The following MAD1L1 variants were observed in gnomAD, a reference collection of about 807,000 sequenced individuals.
MAD1L1 encodes the protein mitotic arrest deficient 1 like 1.
MAD1L1 carries 95 observed loss-of-function variants against 96.9 expected under a neutral mutation model. That is an observed-to-expected ratio of 0.98 (90% CI 0.83 to 1.16). The LOEUF is 1.16. Among genes scored for constraint, MAD1L1 ranks in the 50% most tolerant of loss-of-function variants. The probability of loss-of-function intolerance (pLI) is 0.00; values close to 1 mark genes in which losing one functional copy is unlikely to be tolerated. For synonymous variants in MAD1L1, 473 were observed against 396.6 expected, an observed-to-expected ratio of 1.19 and a Z score of -2.29; for missense variants, 1,007 against 954.4, an observed-to-expected ratio of 1.06 and a Z score of -0.73.
intron 18 of MAD1L1, among the ~76,000 whole-genome samples, chr7:1,885,819 G>A (rs1365877581): frequency 6.6e-6 from 1 of 152,180 alleles, no homozygotes; most frequent in Non-Finnish European, 1.5e-5. Flanking sequence ...CCTCCAGCCT[G>A]GCCCCTAGGC....
chr7:2,044,588 GC>G (rs1783837430), intron 12 of MAD1L1, among the ~76,000 whole-genome samples: 1 of 152,158 alleles, frequency 6.6e-6, no homozygotes, highest in Non-Finnish European at 1.5e-5. Context: ...CGGGGGTGCG[GC>G]CGGGAGGTCT....
chr7:1,884,644 C>A (rs192487687), intron 18 of MAD1L1, among the ~76,000 whole-genome samples: 22 of 152,356 alleles, frequency 1.4e-4, no homozygotes, highest in African/African-American at 5.3e-4. Flanking sequence ...CCTGGTGAGA[C>A]AGCCCGAGAG....
Position 2,069,347 on chromosome 7 carries a change from G to C in MAD1L1, c.1074-9C>G, listed in dbSNP as rs73048940. ...TCTCCAGCCCCCGGGCGCTGCATGG[G>C]AGAGACAAGAGGGCAAAGCAATGAA... On this transcript the variant is annotated splice_polypyrimidine_tract_variant and intron_variant, in intron 11 of 18. Transcript: ENST00000265854. The C allele has an allele frequency of 0.04, 63,333 of 1,579,236 alleles. 1,913 individuals are homozygous for C. The highest frequency in any genetic ancestry group is 0.13 in the Admixed American group (7,559 of 56,552).
intron 18 of MAD1L1, among the ~76,000 whole-genome samples, chr7:1,872,286 C>T (rs185286984): frequency 9.6e-4 from 146 of 152,320 alleles, no homozygotes; most frequent in Admixed American, 1.4e-3. Flanking sequence ...GCTGCCGCAC[C>T]GTTTCCCAGA....
At chr7:1,949,389 C>G (rs1465792277) in intron 16 of MAD1L1, among the ~76,000 whole-genome samples, 1 of 152,242 alleles carries the variant, frequency 6.6e-6, no homozygotes, top group Non-Finnish European at 1.5e-5. Context: ...CCCTCTGCCA[C>G]ATGCGCCCGG....
intron 10 of MAD1L1, among the ~76,000 whole-genome samples, chr7:2,185,124 G>C (rs758472382): frequency 3.3e-5 from 5 of 152,192 alleles, no homozygotes; most frequent in Non-Finnish European, 5.9e-5. Flanking sequence ...AAGCAAGAGA[G>C]ATGCCGGCGT....
intron 18 of MAD1L1, among the ~76,000 whole-genome samples, chr7:1,887,631 G>A (rs1260635576): frequency 6.6e-6 from 1 of 151,022 alleles, no homozygotes; most frequent in Non-Finnish European, 1.5e-5. Context: ...ATGGGCATGT[G>A]TGTGCATGCA....
intron 11 of MAD1L1, among the ~76,000 whole-genome samples, chr7:2,117,882 G>T (rs189053561): frequency 3.3e-5 from 5 of 152,214 alleles, no homozygotes; most frequent in Admixed American, 3.3e-4. Flanking sequence ...GGGCCCCACT[G>T]GCCTTTGGCG....
chr7:1,981,818 G>A (rs1780921165), intron 14 of MAD1L1, among the ~76,000 whole-genome samples: 2 of 152,206 alleles, frequency 1.3e-5, no homozygotes, highest in South Asian at 2.1e-4. Context: ...TGCACAGTGT[G>A]CAACAGGGCA....
chr7:2,162,927 G>C (rs1790238768), intron 10 of MAD1L1, among the ~76,000 whole-genome samples: 1 of 149,838 alleles, frequency 6.7e-6, no homozygotes, highest in Admixed American at 6.7e-5. Flanking sequence ...ATGATTGTTA[G>C]CTTTGTTTCT....
chr7:2,103,752 G>T lies in MAD1L1; in HGVS notation c.1074-34414C>A, dbSNP rs897861462. 2.0e-5 allele frequency among the ~76,000 whole-genome samples: 3 copies of T among 152,224 alleles called. No homozygotes were observed. The highest frequency in any genetic ancestry group is 2.0e-4 in the Admixed American group (3 of 15,292). ...TCCTCCCTGCCCAGATCCCAGCAGT[G>T]TGGCATAAGCAGACCCCCTGAACCA... On this transcript the variant is annotated intron_variant, in intron 11 of 18. Transcript: ENST00000265854. The surrounding 1 kb of genome is among the most constrained non-coding windows in gnomAD (Gnocchi z 4.3).
chr7:1,894,331 T>C (rs767954781), intron 18 of MAD1L1, among the ~76,000 whole-genome samples: 3 of 152,038 alleles, frequency 2.0e-5, no homozygotes, highest in Non-Finnish European at 4.4e-5. Context: ...CTTTGAAAGC[T>C]CCCTAAATGT....
intron 11 of MAD1L1, among the ~76,000 whole-genome samples, chr7:2,122,627 G>A (rs1012420188): frequency 5.9e-5 from 9 of 152,040 alleles, no homozygotes; most frequent in Admixed American, 5.2e-4. Flanking sequence ...CAATCACCAG[G>A]TCCCAGAATC....
chr7:1,840,298 G>A (rs1369353049), intron 18 of MAD1L1, among the ~76,000 whole-genome samples: 1 of 152,218 alleles, frequency 6.6e-6, no homozygotes, highest in Non-Finnish European at 1.5e-5. Context: ...TCACCCGTGA[G>A]CCCCAGCTCC....
chr7:1,975,402 C>G (rs1423845373), intron 15 of MAD1L1, among the ~76,000 whole-genome samples: 1 of 152,226 alleles, frequency 6.6e-6, no homozygotes, highest in Non-Finnish European at 1.5e-5. Flanking sequence ...CGGTGGGCAG[C>G]AGGAGCGGCT....
At chr7:1,980,321 G>A (rs1299530192) in intron 15 of MAD1L1, 132 bp downstream of exon 15, 8 of 726,618 alleles carry the variant, frequency 1.1e-5, no homozygotes, top group South Asian at 5.4e-5. Flanking sequence ...ACACCTGGGC[G>A]TATCCGCCTC....
chr7:1,985,191 C>G (rs887438641), intron 14 of MAD1L1, among the ~76,000 whole-genome samples: 4 of 152,198 alleles, frequency 2.6e-5, no homozygotes, highest in Non-Finnish European at 4.4e-5. Context: ...AGCAGACGGC[C>G]CCGGGCAGCA....
chr7:1,955,527 G>A (rs1289182760), intron 16 of MAD1L1, among the ~76,000 whole-genome samples: 1 of 152,214 alleles, frequency 6.6e-6, no homozygotes, highest in Non-Finnish European at 1.5e-5. Context: ...CTGACCTCAG[G>A]CAATCCACCC....
intron 11 of MAD1L1, among the ~76,000 whole-genome samples, chr7:2,121,571 G>C (rs1019036143): frequency 3.3e-5 from 5 of 152,254 alleles, no homozygotes; most frequent in Non-Finnish European, 5.9e-5. Flanking sequence ...AGGCCTCTGG[G>C]CTCCTGGGAG....
Sources: allele counts gnomAD v4.1 joint callset (sites outside exome capture counted in the v4.1 genomes callset), GRCh38; gene constraint gnomAD v4.1.1; non-coding constraint Gnocchi (gnomAD v3.1); transcripts MANE v1.5; gene names NCBI Gene and HGNC (gene_info 2026-07-23, HGNC 2026-07-21).